The following MDGA2 variants were observed in gnomAD, a reference collection of about 807,000 sequenced individuals.
The protein encoded by MDGA2 is MAM domain-containing glycosylphosphatidylinositol anchor protein 2.
A neutral mutation model predicts 117.8 loss-of-function variants in MDGA2; 40 were observed. The observed-to-expected ratio is 0.34, with a 90% CI of 0.26 to 0.44. The LOEUF (loss-of-function observed/expected upper bound fraction) is 0.44. MDGA2 is among the 20% of genes least tolerant of loss of function. The pLI, the probability that MDGA2 is intolerant of heterozygous loss-of-function variation, is 1.00. For missense variants in MDGA2, 1,123 were observed against 1,250.6 expected (o/e 0.90, Z 1.54); for synonymous variants, 452 against 439.0 (o/e 1.03, Z -0.37).
At chr14:47,557,169 A>G (rs574796333) in intron 1 of MDGA2, among the ~76,000 whole-genome samples, 106 of 152,304 alleles carry the variant, frequency 7.0e-4, no homozygotes, top group South Asian at 2.1e-3. Context: ...TTCAGGAGTA[A>G]AATTGAACTA....
intron 1 of MDGA2, among the ~76,000 whole-genome samples, chr14:47,366,543 G>A (rs1455384218): frequency 6.6e-6 from 1 of 151,856 alleles, no homozygotes; most frequent in Non-Finnish European, 1.5e-5. Flanking sequence ...CCCTTCACCT[G>A]GCTACTTTTA....
At chr14:47,564,663 G>A (rs1955800) in intron 1 of MDGA2, among the ~76,000 whole-genome samples, 2 of 152,010 alleles carry the variant, frequency 1.3e-5, no homozygotes, top group Non-Finnish European at 2.9e-5. Flanking sequence ...ATCAGCTGGC[G>A]TCTGTAGTGA....
intron 1 of MDGA2, among the ~76,000 whole-genome samples, chr14:47,602,466 T>TC (rs1555335475): frequency 1.3e-5 from 2 of 149,278 alleles, no homozygotes; most frequent in Middle Eastern, 3.4e-3. Context: ...GCTCTTTATT[T>TC]AAAAAAAAAA....
intron 1 of MDGA2, among the ~76,000 whole-genome samples, chr14:47,509,833 C>A (rs910335584): frequency 2.0e-5 from 3 of 152,144 alleles, no homozygotes; most frequent in African/African-American, 7.2e-5. Context: ...TTCACAGATT[C>A]ACAGCTTGAC....
At chr14:47,466,207 A>T (rs1440178414) in intron 1 of MDGA2, among the ~76,000 whole-genome samples, 1 of 152,004 alleles carries the variant, frequency 6.6e-6, no homozygotes, top group Non-Finnish European at 1.5e-5. Context: ...CAGAAAATAT[A>T]ACTATGGGGT....
intron 1 of MDGA2, among the ~76,000 whole-genome samples, chr14:47,553,594 C>T (rs1383313007): frequency 3.3e-5 from 5 of 152,048 alleles, no homozygotes; most frequent in East Asian, 1.9e-4. Context: ...ATGTTACTGA[C>T]ATTTTGAAAT....
At chr14:46,868,392 ACAT>A (rs1881863107) in intron 14 of MDGA2, among the ~76,000 whole-genome samples, 1 of 151,926 alleles carries the variant, frequency 6.6e-6, no homozygotes, top group Non-Finnish European at 1.5e-5. Flanking sequence ...ATCAGAAGAG[ACAT>A]CATTTCTACT....
chr14:47,115,863 G>C (rs866496851), intron 5 of MDGA2, among the ~76,000 whole-genome samples: 3 of 151,920 alleles, frequency 2.0e-5, no homozygotes, highest in Admixed American at 1.3e-4. Context: ...TTTCCTATAA[G>C]GTCTGGAATA....
rs987581161 is a variant in MDGA2 at position 46,876,649 on chromosome 14, T to C, written c.2437+840A>G. The stretch of plus-strand genomic sequence containing the variant: ...ATTACGTGGTCTTCAAAATTTTGCT[T>C]TATTTGGTCTGCAGAATTTTCCCTG... On this transcript the variant is annotated intron_variant, in intron 12 of 16. Coordinates refer to ENST00000399232, the MANE Select transcript of MDGA2 (RefSeq NM_001113498.3). 5.9e-5 allele frequency among the ~76,000 whole-genome samples: 9 copies of C among 151,434 alleles called. No homozygotes were observed. In the Admixed American group the frequency reaches 5.9e-4, roughly 10 times the overall value.
chr14:47,378,447 G>A (rs899182820), intron 1 of MDGA2, among the ~76,000 whole-genome samples: 4 of 152,090 alleles, frequency 2.6e-5, no homozygotes, highest in African/African-American at 7.2e-5. Context: ...TGAACCCATC[G>A]CAAAGAAGCT....
At chr14:47,314,438 G>T (rs1225940069) in intron 1 of MDGA2, among the ~76,000 whole-genome samples, 1 of 152,076 alleles carries the variant, frequency 6.6e-6, no homozygotes, top group Non-Finnish European at 1.5e-5. Context: ...CGCACTTTTG[G>T]AAGCTGAGGC....
At chr14:47,537,407 T>G (rs1895237370) in intron 1 of MDGA2, among the ~76,000 whole-genome samples, 1 of 150,720 alleles carries the variant, frequency 6.6e-6, no homozygotes, top group Non-Finnish European at 1.5e-5. Flanking sequence ...TATACATATG[T>G]AACAAACCTG....
In MDGA2 at chr14:46,938,243, GT is replaced by G. The variant is rs1175727181; in HGVS notation, c.2090-18084del. Among the ~76,000 whole-genome samples the G allele has an allele frequency of 1.2e-3, 178 of 151,840 alleles. 1 individual carries two copies. Among genetic ancestry groups the G allele is most frequent in the African/African-American group, 4.1e-3 (171 of 41,472 alleles). ...CAGGGAAATGCAAATCAGAACCACA[GT>G]AAGATATCATCCGGCTGGGCATGGT... On this transcript the variant is annotated intron_variant, in intron 9 of 16. Coordinates refer to ENST00000399232, the MANE Select transcript of MDGA2 (RefSeq NM_001113498.3).
At chr14:47,532,803 G>C (rs1458020010) in intron 1 of MDGA2, among the ~76,000 whole-genome samples, 3 of 152,184 alleles carry the variant, frequency 2.0e-5, no homozygotes, top group Non-Finnish European at 2.9e-5. Flanking sequence ...TTAAAATCCA[G>C]ATGTAGTACA....
At chr14:47,022,623 G>C (rs1013887344) in intron 8 of MDGA2, among the ~76,000 whole-genome samples, 3 of 152,130 alleles carry the variant, frequency 2.0e-5, no homozygotes, top group Non-Finnish European at 2.9e-5. Flanking sequence ...TACAGACTTA[G>C]AATTTTAAAA....
chr14:46,999,208 T>TTA (rs71448153), intron 8 of MDGA2, among the ~76,000 whole-genome samples: 1 of 144,378 alleles, frequency 6.9e-6, no homozygotes, highest in Non-Finnish European at 1.5e-5. Flanking sequence ...TCACAGCAGG[T>TTA]AAAAAAAAAA....
chr14:46,864,545 G>C (rs865874041), intron 14 of MDGA2, among the ~76,000 whole-genome samples: 1 of 51,472 alleles, frequency 1.9e-5, no homozygotes, highest in East Asian at 5.5e-4. Context: ...AGATATTGCT[G>C]TTTTTTTTTT....
intron 14 of MDGA2, among the ~76,000 whole-genome samples, chr14:46,865,521 G>C (rs1424130769): frequency 1.3e-5 from 2 of 152,114 alleles, no homozygotes; most frequent in East Asian, 1.9e-4. Flanking sequence ...ATTCAACATA[G>C]TGTTGGAAGT....
At chr14:47,089,166 A>C (rs1052936855) in intron 6 of MDGA2, among the ~76,000 whole-genome samples, 2 of 152,168 alleles carry the variant, frequency 1.3e-5, no homozygotes, top group African/African-American at 4.8e-5. Flanking sequence ...CAATGCAAGA[A>C]TAGAGGAAAT....
Sources: gnomAD v4.1 joint callset for allele counts (sites outside exome capture counted in the v4.1 genomes callset) on GRCh38, gnomAD v4.1.1 for gene constraint, MANE v1.5 for transcripts, NCBI Gene and HGNC (gene_info 2026-07-23, HGNC 2026-07-21) for gene names.